The following GMEB1 variants were observed in gnomAD, a reference collection of about 807,000 sequenced individuals.
GMEB1 encodes the protein glucocorticoid modulatory element binding protein 1.
In GMEB1, 6 loss-of-function variants were observed where a neutral mutation model predicts 52.4. That is an observed-to-expected ratio of 0.11 (90% CI 0.06 to 0.23). The LOEUF is 0.23. GMEB1 is among the 10% of genes least tolerant of loss of function. The probability of loss-of-function intolerance (pLI) is 1.00; values close to 1 mark genes in which losing one functional copy is unlikely to be tolerated. For synonymous variants in GMEB1, 255 were observed against 244.9 expected, an observed-to-expected ratio of 1.04 and a Z score of -0.38; for missense variants, 486 against 685.6, an observed-to-expected ratio of 0.71 and a Z score of 3.25.
intron 6 of GMEB1, among the ~76,000 whole-genome samples, chr1:28,701,110 G>C (rs1670486577): frequency 6.6e-6 from 1 of 152,068 alleles, no homozygotes. Context: ...CATGTATACT[G>C]AGGGACAACT....
At chr1:28,711,968 C>T (rs1369730433) in intron 9 of GMEB1, among the ~76,000 whole-genome samples, 1 of 152,156 alleles carries the variant, frequency 6.6e-6, no homozygotes. Context: ...GACTGCCTCC[C>T]ATTCAGCCCC....
chr1:28,676,749 A>G (rs1669169296), intron 1 of GMEB1, among the ~76,000 whole-genome samples: 1 of 151,824 alleles, frequency 6.6e-6, no homozygotes. Context: ...AAATAAATAA[A>G]TACAAATAAA....
Position 28,719,200 on chromosome 1 carries a change from TCAG to T in GMEB1, c.*4429_*4431del, listed in dbSNP as rs1249054569. The T allele has an allele frequency of 6.6e-6, 1 of 152,146 alleles. No individual in the cohort carries two copies. Among genetic ancestry groups the T allele is most frequent in the Non-Finnish European group, 1.5e-5 (1 of 68,044 alleles). 9.4% of individuals were successfully genotyped at this position (152,146 alleles called of 1,614,324 possible). A position where few individuals can be genotyped will look rare whatever the true frequency, so the allele number is the denominator to read the frequency against. ...TATGGTTTCCACGAAGGCCTGAGAG[TCAG>T]CTGTACAACTGTCTTGTCTTGGCCA... On this transcript the variant is annotated 3_prime_UTR_variant, in exon 10 of 10. Coordinates refer to ENST00000373816, the MANE Select transcript of GMEB1 (RefSeq NM_001319674.2).
chr1:28,677,093 A>C (rs1402596698), intron 1 of GMEB1, among the ~76,000 whole-genome samples: 2 of 152,116 alleles, frequency 1.3e-5, no homozygotes, highest in African/African-American at 4.8e-5. Flanking sequence ...TGTGTGTAAG[A>C]TGTATGTGAA....
intron 1 of GMEB1, among the ~76,000 whole-genome samples, chr1:28,677,155 T>C (rs1669187087): frequency 6.6e-6 from 1 of 152,124 alleles, no homozygotes. Context: ...ATCCCCCAGA[T>C]ATCACATTAT....
At chr1:28,690,456 A>G (rs1669909403) in intron 3 of GMEB1, among the ~76,000 whole-genome samples, 1 of 152,014 alleles carries the variant, frequency 6.6e-6, no homozygotes, top group Non-Finnish European at 1.5e-5. Flanking sequence ...CCATATAGAA[A>G]TTGGAGCCTC....
intron 1 of GMEB1, among the ~76,000 whole-genome samples, chr1:28,680,161 A>T (rs1183293045): frequency 6.6e-6 from 1 of 152,112 alleles, no homozygotes; most frequent in East Asian, 1.9e-4. Context: ...CCGGATGATC[A>T]CTTGAAGCCA....
At chr1:28,696,905 CT>C (rs1670233817) in intron 5 of GMEB1, 21 bp from the exon 6 acceptor site, 1 of 1,581,932 alleles carries the variant, frequency 6.3e-7, no homozygotes. Flanking sequence ...TGAACTGGTA[CT>C]TCTTGTCTCC....
At chr1:28,674,015 C>T (rs1289215933) in intron 1 of GMEB1, among the ~76,000 whole-genome samples, 2 of 151,748 alleles carry the variant, frequency 1.3e-5, no homozygotes, top group South Asian at 2.1e-4. Flanking sequence ...GGCATGGTGG[C>T]GGGCACCTGT....
chr1:28,678,040 C>T (rs1432933320), intron 1 of GMEB1, among the ~76,000 whole-genome samples: 2 of 151,704 alleles, frequency 1.3e-5, no homozygotes, highest in African/African-American at 4.8e-5. Context: ...AAAAATTAGC[C>T]GGGTGTGGTG....
Position 28,714,266 on chromosome 1 carries a change from C to T in GMEB1, c.1185C>T (p.Ile395=), listed in dbSNP as rs139596820. ...TCCAGCAGCCTCAGTTCACAGTCAT[C>T]TCACCCATCACCATCACCCCAGTGG... The part of the protein sequence containing the change: ...PPVQQPQFTV[I]SPITITPVGQ... The change falls in exon 10 of 10, where the codon ATC becomes ATT. Residue 395 remains isoleucine, a synonymous_variant. Transcript: ENST00000373816. The T allele has an allele frequency of 3.4e-4, 550 of 1,614,108 alleles. No homozygotes were observed. The highest frequency in any genetic ancestry group is 4.4e-4 in the Non-Finnish European group (520 of 1,180,038).
At chr1:28,688,175 C>T (rs911377780) in intron 2 of GMEB1, among the ~76,000 whole-genome samples, 17 of 152,002 alleles carry the variant, frequency 1.1e-4, no homozygotes, top group African/African-American at 3.1e-4. Context: ...CCCAGCTACT[C>T]GGGAGGCTGA....
chr1:28,693,379 A>G (rs4654366), intron 5 of GMEB1, among the ~76,000 whole-genome samples: 70,393 of 150,718 alleles, frequency 0.47, 16,859 homozygotes, highest in East Asian at 0.77. Context: ...CACCACGCCC[A>G]GCTAATTTTT....
chr1:28,701,974 G>A (rs114278567), intron 6 of GMEB1, among the ~76,000 whole-genome samples: 32 of 152,118 alleles, frequency 2.1e-4, no homozygotes, highest in African/African-American at 7.2e-4. Flanking sequence ...TCTCTTTATA[G>A]GCTAATAAAT....
At chr1:28,699,447 T>TA in intron 6 of GMEB1, among the ~76,000 whole-genome samples, 1 of 152,110 alleles carries the variant, frequency 6.6e-6, no homozygotes, top group South Asian at 2.1e-4. Context: ...TTTTTTTTTT[T>TA]AAGACAGAAT....
At chr1:28,706,603 C>T (rs1362738944) in intron 8 of GMEB1, among the ~76,000 whole-genome samples, 1 of 96,926 alleles carries the variant, frequency 1.0e-5, no homozygotes, top group Admixed American at 1.1e-4. Context: ...GAGTCCGTCT[C>T]AAAAAAAAAA....
intron 2 of GMEB1, among the ~76,000 whole-genome samples, chr1:28,687,683 A>T (rs1197620427): frequency 6.6e-6 from 1 of 152,134 alleles, no homozygotes; most frequent in Non-Finnish European, 1.5e-5. Context: ...AGATGCAAGG[A>T]TACTAGTCTA....
Position 28,714,587 on chromosome 1 carries a change from A to G in GMEB1, c.1506A>G (p.Glu502=), listed in dbSNP as rs1367932546. Residue 502 remains glutamate, a synonymous_variant, in exon 10 of 10, where the codon GAA becomes GAG. Coordinates refer to ENST00000373816, the MANE Select transcript of GMEB1 (RefSeq NM_001319674.2). ...SGLTSAIQAV[E]STSEDGQTII... ...TAACCTCGGCAATTCAGGCTGTTGA[A>G]AGCACCTCAGAGGATGGGCAGACCA... 1 of 1,614,148 alleles carries G rather than the reference A, an allele frequency of 6.2e-7. No homozygotes were observed. The highest frequency in any genetic ancestry group is 8.5e-7 in the Non-Finnish European group (1 of 1,180,032).
chr1:28,674,977 C>T (rs1338554196), intron 1 of GMEB1, among the ~76,000 whole-genome samples: 1 of 145,598 alleles, frequency 6.9e-6, no homozygotes, highest in Non-Finnish European at 1.5e-5. Flanking sequence ...CCTCGGCCTC[C>T]CAAAGTGCTG....
Sources: gnomAD v4.1 joint callset for allele counts (sites outside exome capture counted in the v4.1 genomes callset) on GRCh38, gnomAD v4.1.1 for gene constraint, MANE v1.5 for transcripts, NCBI Gene and HGNC (gene_info 2026-07-23, HGNC 2026-07-21) for gene names.